MRPS33: variants seen among roughly 807,000 people sequenced by gnomAD.
MRPS33 encodes the protein mitochondrial ribosomal protein S33.
Under a neutral mutation model 11.2 loss-of-function variants are expected in MRPS33, and 11 were observed. The observed-to-expected ratio is 0.99, with a 90% CI of 0.62 to 1.63. The LOEUF (loss-of-function observed/expected upper bound fraction) is 1.63, where lower values mean the gene tolerates loss of function less well. Ranked by LOEUF, MRPS33 falls within the 40% of genes most tolerant of loss-of-function variation. The pLI, the probability that MRPS33 is intolerant of heterozygous loss-of-function variation, is 0.00. For missense variants in MRPS33, 109 were observed against 127.8 expected, an observed-to-expected ratio of 0.85 and a Z score of 0.71; for synonymous variants, 46 against 44.0, an observed-to-expected ratio of 1.05 and a Z score of -0.18.
intron 2 of MRPS33, chr7:141,009,853 G>C (rs1820629866): frequency 6.6e-6 from 1 of 151,722 alleles, no homozygotes; most frequent in Non-Finnish European, 1.5e-5. Context: ...TGCCAGGCTG[G>C]AGTGCAGTGG....
At chr7:141,012,173 C>CCAAAAAAAAAA (rs1820690710) in intron 1 of MRPS33, among the ~76,000 whole-genome samples, 1 of 58,782 alleles carries the variant, frequency 1.7e-5, no homozygotes, top group Non-Finnish European at 2.8e-5. Context: ...GATTGTGTGT[C>CCAAAAAAAAAA]AAAAAAAAAA....
chr7:141,013,961 G>T (rs1820740020), intron 1 of MRPS33, among the ~76,000 whole-genome samples: 1 of 152,190 alleles, frequency 6.6e-6, no homozygotes, highest in African/African-American at 2.4e-5. Flanking sequence ...GAAAACAGTG[G>T]AAGTGTACAT....
chr7:141,012,711 T>C (rs1267302474), intron 1 of MRPS33, among the ~76,000 whole-genome samples: 1 of 152,240 alleles, frequency 6.6e-6, no homozygotes, highest in Non-Finnish European at 1.5e-5. Context: ...CAGTTAGTTA[T>C]CTGTAAGCTG....
Position 141,006,429 on chromosome 7 carries a change from A to G in MRPS33, c.*1T>C. The G allele has an allele frequency of 6.2e-7, 1 of 1,611,668 alleles. No individual in the cohort carries two copies. The highest frequency in any genetic ancestry group is 1.1e-5 in the South Asian group (1 of 91,002). ...AAAGTCTCCCTCTTGAGGGACCAAC[A>G]CTATTTCCTTTTTGCTGCTCTTTTC... is the stretch of plus-strand genomic sequence containing the variant. On this transcript the variant is annotated 3_prime_UTR_variant, in exon 3 of 3. Transcript: ENST00000324787.
chr7:141,006,851 C>T (rs1164232150), intron 2 of MRPS33, among the ~76,000 whole-genome samples: 1 of 152,136 alleles, frequency 6.6e-6, no homozygotes, highest in Non-Finnish European at 1.5e-5. Context: ...AATTTCCCTG[C>T]AACACTAAGA....
At chr7:141,010,193 G>C in intron 2 of MRPS33, 1 of 529,158 alleles carries the variant, frequency 1.9e-6, no homozygotes, top group Non-Finnish European at 3.4e-6. Context: ...TCATGTTGTA[G>C]ACATAATTAA....
In MRPS33 at chr7:141,004,680, TAAA is replaced by T. The variant is rs1241182018; in HGVS notation, c.*1747_*1749del. ...TAATTTTATGTTTTTACTACAATAA[TAAA>T]AAGTTATTAAAAAATTACTGGACAT... On this transcript the variant is annotated 3_prime_UTR_variant, in exon 3 of 3. Coordinates refer to ENST00000324787, the MANE Select transcript of MRPS33 (RefSeq NM_053035.3). 1 of 152,182 alleles carries T rather than the reference TAAA, an allele frequency of 6.6e-6. No homozygotes were observed. Among genetic ancestry groups the T allele is most frequent in the Non-Finnish European group, 1.5e-5 (1 of 68,026 alleles). 9.4% of individuals were successfully genotyped at this position (152,182 alleles called of 1,614,324 possible). A position where few individuals can be genotyped will look rare whatever the true frequency, so the allele number is the denominator to read the frequency against.
intron 2 of MRPS33, among the ~76,000 whole-genome samples, chr7:141,009,014 T>G (rs1196252026): frequency 6.7e-6 from 1 of 148,806 alleles, no homozygotes. Context: ...AGGCTGGTCT[T>G]GAATTCCTGA....
chr7:141,012,173 C>CAAAATAAAAA (rs1820691068), intron 1 of MRPS33, among the ~76,000 whole-genome samples: 1 of 58,782 alleles, frequency 1.7e-5, no homozygotes. Context: ...GATTGTGTGT[C>CAAAATAAAAA]AAAAAAAAAA....
At chr7:141,012,193 A>AAAAAAAAAC in intron 1 of MRPS33, among the ~76,000 whole-genome samples, 1 of 148,616 alleles carries the variant, frequency 6.7e-6, no homozygotes, top group Non-Finnish European at 1.5e-5. Context: ...AAAAAAAAAA[A>AAAAAAAAAC]AGCAGAGGCT....
intron 1 of MRPS33, among the ~76,000 whole-genome samples, chr7:141,012,072 G>A (rs1490867296): frequency 6.7e-6 from 1 of 150,104 alleles, no homozygotes; most frequent in Admixed American, 6.7e-5. Flanking sequence ...CGTGGAGGCT[G>A]AGGAGGGGGA....
chr7:141,006,201 G>C lies in MRPS33; in HGVS notation c.*229C>G. On this transcript the variant is annotated 3_prime_UTR_variant, in exon 3 of 3. Coordinates refer to ENST00000324787, the MANE Select transcript of MRPS33 (RefSeq NM_053035.3). ...GGTATTTATTTCATTAGAGAATCAG[G>C]TAAACCTCACATTACACGGCCAAGG... The C allele has an allele frequency of 1.8e-6, 1 of 544,936 alleles. No individual in the cohort carries two copies. Among genetic ancestry groups the C allele is most frequent in the Non-Finnish European group, 3.3e-6 (1 of 306,708 alleles). The allele number at this position is 544,936 out of a possible 1,614,324, so 33.8% of individuals were successfully genotyped here.
At chr7:141,014,295 C>A (rs1361146646) in intron 1 of MRPS33, 1 of 152,104 alleles carries the variant, frequency 6.6e-6, no homozygotes, top group African/African-American at 2.4e-5. Flanking sequence ...GTCATAGAAA[C>A]AATCTAAACA....
chr7:141,010,257 TG>T, intron 2 of MRPS33, 161 bp downstream of exon 2: 4 of 640,872 alleles, frequency 6.2e-6, no homozygotes, highest in Non-Finnish European at 1.1e-5. Context: ...CTCTCCATTA[TG>T]GGTATTTTGA....
rs1232764673 is a variant in MRPS33 at position 141,005,381 on chromosome 7, G to A, written c.*1049C>T. On this transcript the variant is annotated 3_prime_UTR_variant, in exon 3 of 3. Transcript: ENST00000324787. Reference sequence around the variant, plus strand: ...AATATCATTTTTTTTTTGAGATGTAGTCTTGCTCTGTTGCCAGGCTGGAGT... The same window carrying A: ...AATATCATTTTTTTTTTGAGATGTAATCTTGCTCTGTTGCCAGGCTGGAGT... 1 of 151,614 alleles carries A rather than the reference G, an allele frequency of 6.6e-6. No homozygotes were observed. The highest frequency in any genetic ancestry group is 6.6e-5 in the Admixed American group (1 of 15,228). The allele number at this position is 151,614 out of a possible 1,614,324, so 9.4% of individuals were successfully genotyped here.
At chr7:141,010,353 T>G (rs1292426845) in intron 2 of MRPS33, 66 bp downstream of exon 2, 43 of 1,507,830 alleles carry the variant, frequency 2.9e-5, no homozygotes, top group Non-Finnish European at 3.9e-5. Context: ...GAAAGGCTAA[T>G]TTTTTTCCTT....
At chr7:141,011,675 G>A (rs1223960926) in intron 1 of MRPS33, among the ~76,000 whole-genome samples, 1 of 152,042 alleles carries the variant, frequency 6.6e-6, no homozygotes, top group East Asian at 1.9e-4. Flanking sequence ...CAGTTCAGCT[G>A]AGATGAAAAG....
At position 141,006,184 on chromosome 7, in the gene MRPS33, T is replaced by C. The variant is rs1209729141; in HGVS notation, c.*246A>G. On this transcript the variant is annotated 3_prime_UTR_variant, in exon 3 of 3. Transcript: ENST00000324787. The stretch of plus-strand genomic sequence containing the variant: ...CATCAAACAATAACTTAGGTATTTA[T>C]TTCATTAGAGAATCAGGTAAACCTC... 2 of 510,198 alleles carry C rather than the reference T, an allele frequency of 3.9e-6. No individual in the cohort carries two copies. The highest frequency in any genetic ancestry group is 3.9e-5 in the African/African-American group (2 of 51,866). 31.6% of individuals were successfully genotyped at this position (510,198 alleles called of 1,614,324 possible). A position where few individuals can be genotyped will look rare whatever the true frequency, so the allele number is the denominator to read the frequency against.
intron 1 of MRPS33, among the ~76,000 whole-genome samples, chr7:141,013,073 A>AAG (rs747745335): frequency 9.9e-5 from 15 of 152,088 alleles, no homozygotes; most frequent in African/African-American, 3.1e-4. Context: ...AAAAAAAAAA[A>AAG]AGAGAGAGAG....
Sources: allele counts gnomAD v4.1 joint callset (sites outside exome capture counted in the v4.1 genomes callset), GRCh38; gene constraint gnomAD v4.1.1; transcripts MANE v1.5; gene names NCBI Gene and HGNC (gene_info 2026-07-23, HGNC 2026-07-21).